Variants in RAD51B observed in about 807,000 individuals in gnomAD.
RAD51B encodes the protein DNA repair protein RAD51 homolog 2.
In RAD51B, 38 loss-of-function variants were observed where a neutral mutation model predicts 42.2. The ratio of observed to expected loss-of-function variants is 0.90; its 90% CI spans 0.70 to 1.18. The LOEUF (loss-of-function observed/expected upper bound fraction) is 1.18. Ranked by LOEUF, RAD51B falls within the 50% of genes most tolerant of loss-of-function variation. The pLI, the probability that RAD51B is intolerant of heterozygous loss-of-function variation, is 0.00. For missense variants in RAD51B, 373 were observed against 400.7 expected, an observed-to-expected ratio of 0.93 and a Z score of 0.59; for synonymous variants, 154 against 145.2, an observed-to-expected ratio of 1.06 and a Z score of -0.43.
At chr14:68,229,933 A>G (rs901695916) in intron 7 of RAD51B, among the ~76,000 whole-genome samples, 19 of 152,202 alleles carry the variant, frequency 1.2e-4, no homozygotes, top group African/African-American at 3.6e-4. Context: ...TGATGCTGTC[A>G]TGGGCTAGGC....
chr14:68,350,568 T>C lies in RAD51B; in HGVS notation c.853+58588T>C, dbSNP rs1295243730. On this transcript the variant is annotated intron_variant, in intron 8 of 10. Transcript: ENST00000471583. ...AGTCTTAGCATAAATCAGTGTTAGG[T>C]CCACTGAAATATCGTGTGTGGTCTG... Among the ~76,000 whole-genome samples, 6 of 152,232 alleles carry C rather than the reference T, an allele frequency of 3.9e-5. No homozygotes were observed. The South Asian group carries it at 1.2e-3, about 32-fold the overall frequency.
At chr14:67,944,919 G>C (rs541379108) in intron 7 of RAD51B, among the ~76,000 whole-genome samples, 22 of 152,284 alleles carry the variant, frequency 1.4e-4, no homozygotes, top group African/African-American at 5.3e-4. Context: ...GGGTCATGAA[G>C]ATGAATTTGA....
intron 7 of RAD51B, among the ~76,000 whole-genome samples, chr14:68,073,538 A>G (rs569502418): frequency 5.3e-5 from 8 of 152,048 alleles, no homozygotes; most frequent in Non-Finnish European, 1.0e-4. Context: ...GTTAATATTG[A>G]TATGTGCAGA....
Position 68,618,202 on chromosome 14 carries a change from G to C in RAD51B, c.1037-32579G>C, listed in dbSNP as rs180990341. On this transcript the variant is annotated intron_variant, in intron 10 of 11. Transcript: ENST00000488612. ...CTGGCTATCTTACATTTGCTCTCCA[G>C]ATTCACTCGCCACCCTTTGGCCTGT... 1.9e-3 allele frequency among the ~76,000 whole-genome samples: 297 copies of C among 152,314 alleles called. 3 individuals carry two copies. Among genetic ancestry groups the C allele is most frequent in the Admixed American group, 0.017 (256 of 15,300 alleles).
intron 9 of RAD51B, among the ~76,000 whole-genome samples, chr14:68,434,559 T>C (rs11626013): frequency 0.11 from 16,820 of 152,242 alleles, 1,567 homozygotes; most frequent in African/African-American, 0.25. Context: ...TGCGTTATAA[T>C]CTCCTGGTGT....
chr14:67,882,653 C>A lies in RAD51B; in HGVS notation c.453-3216C>A, dbSNP rs186265277. 4.6e-5 allele frequency among the ~76,000 whole-genome samples: 7 copies of A among 152,266 alleles called. No homozygotes were observed. In the East Asian group the frequency reaches 1.2e-3, roughly 25 times the overall value. On this transcript the variant is annotated intron_variant, in intron 5 of 10. Transcript: ENST00000471583. ...AGGAAATAAAACATGCAAATAACAC[C>A]AATAACCAAAACCTTTATGTGAATC...
chr14:68,599,919 G>C (rs960375992), downstream of RAD51B, among the ~76,000 whole-genome samples: 1 of 152,178 alleles, frequency 6.6e-6, no homozygotes, highest in Non-Finnish European at 1.5e-5. Context: ...CCCTGGTCCT[G>C]CAGAGTGGTT....
At chr14:68,487,357 C>T (rs985854281) in intron 10 of RAD51B, among the ~76,000 whole-genome samples, 1 of 152,026 alleles carries the variant, frequency 6.6e-6, no homozygotes, top group Non-Finnish European at 1.5e-5. Context: ...GAACTAGTAT[C>T]TTCTTGCTTT....
chr14:68,155,152 C>T (rs185710419), intron 7 of RAD51B, among the ~76,000 whole-genome samples: 38 of 151,358 alleles, frequency 2.5e-4, no homozygotes, highest in African/African-American at 6.5e-4. Context: ...AAGGAAATTA[C>T]GCAAGGGGAG....
At chr14:68,363,712 AAC>A (rs1350750084) in intron 8 of RAD51B, among the ~76,000 whole-genome samples, 1 of 152,206 alleles carries the variant, frequency 6.6e-6, no homozygotes, top group East Asian at 1.9e-4. Flanking sequence ...GCGATGCTGT[AAC>A]ACAGTCTTTC....
chr14:68,236,834 C>T (rs1403042883), intron 7 of RAD51B, among the ~76,000 whole-genome samples: 1 of 152,164 alleles, frequency 6.6e-6, no homozygotes, highest in Non-Finnish European at 1.5e-5. Context: ...GACCTGGATT[C>T]CAAATGACTG....
chr14:68,089,598 C>G (rs540199232), intron 7 of RAD51B, among the ~76,000 whole-genome samples: 1 of 152,278 alleles, frequency 6.6e-6, no homozygotes, highest in Admixed American at 6.5e-5. Context: ...CAAAGCCATA[C>G]ATCCCAATCT....
chr14:68,499,334 A>G (rs962916393), intron 10 of RAD51B, among the ~76,000 whole-genome samples: 1 of 152,220 alleles, frequency 6.6e-6, no homozygotes, highest in African/African-American at 2.4e-5. Context: ...ATGAAGAGCT[A>G]GATTTTTCTT....
chr14:68,640,516 G>A (rs914094320), intron 10 of RAD51B, among the ~76,000 whole-genome samples: 1 of 152,230 alleles, frequency 6.6e-6, no homozygotes, highest in Non-Finnish European at 1.5e-5. Flanking sequence ...CTTACTAGGT[G>A]TTGGGGACTC....
At chr14:67,928,895 G>A (rs958055376) in intron 7 of RAD51B, among the ~76,000 whole-genome samples, 1 of 151,762 alleles carries the variant, frequency 6.6e-6, no homozygotes, top group Admixed American at 6.6e-5. Context: ...CACTTTGCTA[G>A]CATATAATTC....
intron 10 of RAD51B, among the ~76,000 whole-genome samples, chr14:68,502,069 A>C (rs1884962733): frequency 6.6e-6 from 1 of 152,254 alleles, no homozygotes. Context: ...CCATCAAAGG[A>C]GCCTCAATGG....
At chr14:68,440,614 C>T (rs2085262692) in intron 9 of RAD51B, among the ~76,000 whole-genome samples, 2 of 152,050 alleles carry the variant, frequency 1.3e-5, no homozygotes, top group South Asian at 2.1e-4. Context: ...GGCATGGTGG[C>T]GGACACCTGT....
chr14:68,439,049 T>G (rs7148219), intron 9 of RAD51B, among the ~76,000 whole-genome samples: 25 of 152,120 alleles, frequency 1.6e-4, no homozygotes, highest in African/African-American at 5.6e-4. Context: ...CACAGGGAAC[T>G]GACCTTTACA....
chr14:68,311,817 T>C (rs758733634), intron 8 of RAD51B, among the ~76,000 whole-genome samples: 1 of 152,146 alleles, frequency 6.6e-6, no homozygotes, highest in Non-Finnish European at 1.5e-5. Context: ...AACTGGGACC[T>C]GGGAGGTGGA....
Sources: allele counts gnomAD v4.1 joint callset (sites outside exome capture counted in the v4.1 genomes callset), GRCh38; gene constraint gnomAD v4.1.1; transcripts MANE v1.5; gene names NCBI Gene and HGNC (gene_info 2026-07-23, HGNC 2026-07-21).